CLSTN2: variants seen among roughly 807,000 people sequenced by gnomAD.
The protein encoded by CLSTN2 is calsyntenin 2, also known as calsyntenin-2.
Under a neutral mutation model 101.2 loss-of-function variants are expected in CLSTN2, and 48 were observed. The observed-to-expected ratio is 0.47, with a 90% CI of 0.38 to 0.60. The LOEUF (loss-of-function observed/expected upper bound fraction) is 0.60, where lower values mean the gene tolerates loss of function less well. Ranked by LOEUF, CLSTN2 falls within the 20% of genes least tolerant of loss-of-function variation. The pLI is 0.00. For synonymous variants in CLSTN2, 481 were observed against 463.6 expected (o/e 1.04, Z -0.48); for missense variants, 1,160 against 1,238.2 (o/e 0.94, Z 0.95).
intron 8 of CLSTN2, among the ~76,000 whole-genome samples, chr3:140,515,266 A>T (rs1182249234): frequency 1.4e-5 from 2 of 145,108 alleles, no homozygotes; most frequent in Non-Finnish European, 2.9e-5. Flanking sequence ...TTCTTGGTTA[A>T]TCTTACTAAT....
intron 1 of CLSTN2, among the ~76,000 whole-genome samples, chr3:140,139,665 C>T (rs759259542): frequency 2.0e-5 from 3 of 152,196 alleles, no homozygotes; most frequent in Non-Finnish European, 2.9e-5. Context: ...GAAATATATG[C>T]GGCAGCCCAT....
At chr3:140,523,068 G>T (rs570630039) in intron 8 of CLSTN2, among the ~76,000 whole-genome samples, 2 of 152,036 alleles carry the variant, frequency 1.3e-5, no homozygotes, top group Admixed American at 6.6e-5. Context: ...TGCATTTTTA[G>T]GTTTGTTTCT....
Position 139,935,688 on chromosome 3 carries a change from T to C in CLSTN2, c.109+205T>C, listed in dbSNP as rs1935008153. 6.6e-6 allele frequency among the ~76,000 whole-genome samples: 1 copy of C among 152,064 alleles called. No homozygotes were observed. The highest frequency in any genetic ancestry group is 2.1e-4 in the South Asian group (1 of 4,820). On this transcript the variant is annotated intron_variant, in intron 1 of 16. Coordinates refer to ENST00000458420, the MANE Select transcript of CLSTN2 (RefSeq NM_022131.3). This position sits in a 1 kb window ranked among gnomAD's most constrained non-coding sequence, Gnocchi z 5.5. Reference sequence around the variant, plus strand: ...CACCCGCGGACGTCAACTCAACCCCTGGGCGGGGTCCGGGGGCTGAGCAGA... The same window carrying C: ...CACCCGCGGACGTCAACTCAACCCCCGGGCGGGGTCCGGGGGCTGAGCAGA...
intron 1 of CLSTN2, among the ~76,000 whole-genome samples, chr3:140,056,992 G>A (rs777765263): frequency 2.6e-5 from 4 of 152,172 alleles, no homozygotes; most frequent in Non-Finnish European, 5.9e-5. Flanking sequence ...CCTCATGCCA[G>A]AGCCTCCTCC....
At chr3:140,285,881 G>A (rs573213452) in intron 2 of CLSTN2, among the ~76,000 whole-genome samples, 16 of 152,158 alleles carry the variant, frequency 1.1e-4, no homozygotes, top group Non-Finnish European at 2.4e-4. Context: ...TGGACAAACG[G>A]TTACAAGTAG....
At chr3:139,944,110 T>C (rs191553335) in intron 1 of CLSTN2, among the ~76,000 whole-genome samples, 46 of 152,336 alleles carry the variant, frequency 3.0e-4, no homozygotes, top group African/African-American at 1.1e-3. Flanking sequence ...GACTGCTTTA[T>C]AGATATTAAC....
chr3:140,471,778 A>T (rs1281635483), intron 8 of CLSTN2, among the ~76,000 whole-genome samples: 1 of 152,242 alleles, frequency 6.6e-6, no homozygotes, highest in African/African-American at 2.4e-5. Flanking sequence ...TATAAACTAT[A>T]CAAGAATCTG....
At chr3:140,135,117 CATATATATATATATATATAT>C (rs66931848) in intron 1 of CLSTN2, among the ~76,000 whole-genome samples, 12 of 58,120 alleles carry the variant, frequency 2.1e-4, no homozygotes, top group East Asian at 1.4e-3. Flanking sequence ...CACACACACA[CATATATATATATATATATAT>C]ATATATATAT....
chr3:140,222,373 A>AG (rs1316318762), intron 2 of CLSTN2, among the ~76,000 whole-genome samples: 1 of 152,196 alleles, frequency 6.6e-6, no homozygotes, highest in East Asian at 1.9e-4. Context: ...TCGTACAAAA[A>AG]GAAAAACTTA....
chr3:140,377,524 C>A (rs1424948496), intron 2 of CLSTN2, among the ~76,000 whole-genome samples: 1 of 152,168 alleles, frequency 6.6e-6, no homozygotes, highest in East Asian at 1.9e-4. Flanking sequence ...GATTCTGACC[C>A]TGTGTAGGCC....
At chr3:140,230,499 G>A (rs920605021) in intron 2 of CLSTN2, among the ~76,000 whole-genome samples, 1 of 152,160 alleles carries the variant, frequency 6.6e-6, no homozygotes, top group African/African-American at 2.4e-5. Context: ...TGGGGCTTTT[G>A]GGAGGTAATT....
At chr3:140,478,442 C>T (rs72987140) in intron 8 of CLSTN2, among the ~76,000 whole-genome samples, 8,721 of 151,408 alleles carry the variant, frequency 0.058, 795 homozygotes, top group African/African-American at 0.2. Context: ...ACAACATGAA[C>T]GAATCTCAAA....
intron 8 of CLSTN2, 107 bp downstream of exon 8, chr3:140,466,838 G>A: frequency 6.8e-7 from 1 of 1,470,666 alleles, no homozygotes; most frequent in South Asian, 1.3e-5. Flanking sequence ...CTGACCACTT[G>A]CTGAATTTTG....
intron 6 of CLSTN2, among the ~76,000 whole-genome samples, chr3:140,456,392 G>C (rs1331330030): frequency 6.6e-6 from 1 of 152,204 alleles, no homozygotes; most frequent in Admixed American, 6.5e-5. Flanking sequence ...TCACCGCGCA[G>C]ATGAGTAACT....
intron 1 of CLSTN2, among the ~76,000 whole-genome samples, chr3:140,083,455 G>A (rs185207014): frequency 6.6e-6 from 1 of 152,328 alleles, no homozygotes; most frequent in Admixed American, 6.5e-5. Context: ...TTAATGATTG[G>A]TTGGATGAAT....
chr3:140,166,692 G>C (rs1374783226), intron 1 of CLSTN2, among the ~76,000 whole-genome samples: 1 of 152,130 alleles, frequency 6.6e-6, no homozygotes, highest in Non-Finnish European at 1.5e-5. Context: ...CACATTGGGT[G>C]GCAAGACCTA....
At chr3:140,316,053 C>T (rs940164832) in intron 2 of CLSTN2, among the ~76,000 whole-genome samples, 2 of 152,210 alleles carry the variant, frequency 1.3e-5, no homozygotes, top group Non-Finnish European at 2.9e-5. Flanking sequence ...AAATCATTCA[C>T]TCATTTGGTA....
chr3:139,940,900 G>T (rs926888860), intron 1 of CLSTN2, among the ~76,000 whole-genome samples: 11 of 152,066 alleles, frequency 7.2e-5, no homozygotes, highest in Non-Finnish European at 1.6e-4. Flanking sequence ...TAGTGCCAGA[G>T]GTGTGGGAGG....
chr3:140,260,658 A>G (rs1282246557), intron 2 of CLSTN2, among the ~76,000 whole-genome samples: 1 of 152,188 alleles, frequency 6.6e-6, no homozygotes, highest in East Asian at 1.9e-4. Flanking sequence ...ATTACAACTA[A>G]TAATGATACG....
Sources: gnomAD v4.1 joint callset for allele counts (sites outside exome capture counted in the v4.1 genomes callset) on GRCh38, gnomAD v4.1.1 for gene constraint, Gnocchi (gnomAD v3.1) non-coding constraint, MANE v1.5 for transcripts, NCBI Gene and HGNC (gene_info 2026-07-23, HGNC 2026-07-21) for gene names.